Variants in RXFP2 observed in about 807,000 individuals in gnomAD.
RXFP2 encodes relaxin family peptide receptor 2.
Under a neutral mutation model 88.6 loss-of-function variants are expected in RXFP2, and 68 were observed. The ratio of observed to expected loss-of-function variants is 0.77; its 90% CI spans 0.63 to 0.94. The LOEUF is 0.94. Ranked by LOEUF, RXFP2 falls within the 40% of genes least tolerant of loss-of-function variation. The pLI is 0.00. For missense variants in RXFP2, 791 were observed against 893.9 expected (o/e 0.88, Z 1.47); for synonymous variants, 329 against 306.8 (o/e 1.07, Z -0.76).
At chr13:31,770,506 C>A (rs991063601) in intron 5 of RXFP2, among the ~76,000 whole-genome samples, 5 of 152,174 alleles carry the variant, frequency 3.3e-5, no homozygotes, top group African/African-American at 1.2e-4. Context: ...TTTCCATTTG[C>A]TTCAATCCTA....
chr13:31,771,562 A>T (rs1872735487), intron 5 of RXFP2, among the ~76,000 whole-genome samples: 1 of 152,156 alleles, frequency 6.6e-6, no homozygotes, highest in Non-Finnish European at 1.5e-5. Context: ...AGGCTGAGGC[A>T]GGTGGATCTG....
At chr13:31,794,888 T>TCA (rs1437581796) in intron 16 of RXFP2, among the ~76,000 whole-genome samples, 3 of 149,504 alleles carry the variant, frequency 2.0e-5, no homozygotes, top group Admixed American at 6.6e-5. Flanking sequence ...AAAGAGATCG[T>TCA]CACACACACA....
intron 12 of RXFP2, 36 bp downstream of exon 12, chr13:31,786,490 G>T: frequency 6.4e-7 from 1 of 1,553,716 alleles, no homozygotes; most frequent in Admixed American, 1.7e-5. Flanking sequence ...AGATTTAAAG[G>T]GCAATATTTT....
At chr13:31,758,943 G>A (rs530176914) in intron 2 of RXFP2, among the ~76,000 whole-genome samples, 9 of 152,140 alleles carry the variant, frequency 5.9e-5, no homozygotes, top group African/African-American at 1.7e-4. Flanking sequence ...AGCTACTCGG[G>A]AGGCTGAGGC....
intron 14 of RXFP2, among the ~76,000 whole-genome samples, chr13:31,790,792 C>T (rs1412246553): frequency 6.6e-6 from 1 of 151,906 alleles, no homozygotes; most frequent in African/African-American, 2.4e-5. Context: ...TTTGAGCAGA[C>T]CTGAGCGGAG....
At position 31,803,270 on chromosome 13, in the gene RXFP2, G is replaced by T. The variant is rs973181681; in HGVS notation, c.*865G>T. Reference sequence around the variant, plus strand: ...TGGGACTGTTTGCATACTCACAATGGTTTTGTTCTCATTGTTTTTAACAAA... The same window carrying T: ...TGGGACTGTTTGCATACTCACAATGTTTTTGTTCTCATTGTTTTTAACAAA... On this transcript the variant is annotated 3_prime_UTR_variant, in exon 18 of 18. Coordinates refer to ENST00000298386, the MANE Select transcript of RXFP2 (RefSeq NM_130806.5). 1.3e-5 allele frequency: 2 copies of T among 152,138 alleles called. No homozygotes were observed. Among genetic ancestry groups the T allele is most frequent in the African/African-American group, 4.8e-5 (2 of 41,430 alleles). The allele number at this position is 152,138 out of a possible 1,614,324, so 9.4% of individuals were successfully genotyped here. A position where few individuals can be genotyped will look rare whatever the true frequency, so the allele number is the denominator to read the frequency against.
intron 11 of RXFP2, among the ~76,000 whole-genome samples, chr13:31,785,954 T>C (rs983517916): frequency 1.7e-4 from 26 of 152,226 alleles, no homozygotes; most frequent in African/African-American, 6.0e-4. Flanking sequence ...CAATATTGTC[T>C]TGGTTGGAAT....
intron 16 of RXFP2, 116 bp downstream of exon 16, chr13:31,793,204 TC>T: frequency 2.1e-6 from 2 of 956,306 alleles, no homozygotes; most frequent in South Asian, 3.3e-5. Context: ...CAAGACTGTG[TC>T]CTTTTTCACA....
chr13:31,751,134 A>G (rs1871652994), intron 1 of RXFP2, among the ~76,000 whole-genome samples: 1 of 152,122 alleles, frequency 6.6e-6, no homozygotes, highest in African/African-American at 2.4e-5. Flanking sequence ...TACTAAAAAT[A>G]CAAAAAAATT....
chr13:31,773,232 A>T (rs1872797614), intron 5 of RXFP2, among the ~76,000 whole-genome samples: 1 of 152,208 alleles, frequency 6.6e-6, no homozygotes, highest in Non-Finnish European at 1.5e-5. Flanking sequence ...GGGGGTTAAG[A>T]TGGCACAAGG....
intron 17 of RXFP2, among the ~76,000 whole-genome samples, chr13:31,797,917 T>A (rs1334369884): frequency 6.6e-6 from 1 of 152,096 alleles, no homozygotes; most frequent in Admixed American, 6.6e-5. Flanking sequence ...AAGGCCAAAT[T>A]CCCTGAACAC....
At chr13:31,802,075 C>A in intron 17 of RXFP2, 71 bp from the exon 18 acceptor site, 1 of 1,479,162 alleles carries the variant, frequency 6.8e-7, no homozygotes, top group Non-Finnish European at 9.4e-7. Flanking sequence ...GCATTGACTG[C>A]AAAGTGTTAT....
intron 13 of RXFP2, among the ~76,000 whole-genome samples, chr13:31,787,789 G>C (rs183078514): frequency 3.7e-4 from 56 of 152,274 alleles, no homozygotes; most frequent in African/African-American, 1.3e-3. Flanking sequence ...ACAGGCGAAC[G>C]CCGCCATGCC....
chr13:31,776,114 C>CTTTCTTTTCT (rs1872951540), intron 7 of RXFP2, among the ~76,000 whole-genome samples: 4 of 135,976 alleles, frequency 2.9e-5, no homozygotes, highest in Admixed American at 7.3e-5. Context: ...TTCTTTCTTT[C>CTTTCTTTTCT]TTTCTTTCTT....
intron 16 of RXFP2, among the ~76,000 whole-genome samples, chr13:31,794,560 C>T (rs1022601640): frequency 6.6e-6 from 1 of 152,112 alleles, no homozygotes; most frequent in African/African-American, 2.4e-5. Flanking sequence ...CATGTCCTCA[C>T]ATCACACACA....
rs1872534214 is a variant in RXFP2 at position 31,766,017 on chromosome 13, C to G, written c.487C>G (p.Leu163Val). The G allele has an allele frequency of 6.6e-7, 1 of 1,524,204 alleles. No individual in the cohort carries two copies. The highest frequency in any genetic ancestry group is 1.1e-5 in the South Asian group (1 of 88,712). The allele number at this position is 1,524,204 out of a possible 1,614,324, so 94.4% of individuals were successfully genotyped here. ...TAAAGTTTTCATCAAATACACAAAA[C>G]TTAAAAAGATGTAAGTAGCCGTTAA... Reference protein sequence around the residue: ...PDKVFIKYTKLKKIFLQHNCI... With the variant: ...PDKVFIKYTKVKKIFLQHNCI... The change falls in exon 5 of 18, where the codon CTT becomes GTT. Residue 163 changes from leucine to valine, a missense_variant. Coordinates refer to ENST00000298386, the MANE Select transcript of RXFP2 (RefSeq NM_130806.5).
Position 31,777,392 on chromosome 13 carries a change from C to T in RXFP2, c.658C>T (p.Pro220Ser). ...QLTWLILDDN[P>S]ITRISQRLFT... ...TTTTGTCAGAATTCTAGATGACAAT[C>T]CAATAACCAGAATTTCACAGCGCTT... The change falls in exon 8 of 18, where the codon CCA becomes TCA. Residue 220 changes from proline (P) to serine (S), a missense_variant. Physicochemically the swap from Pro to Ser is moderately conservative, Grantham distance 74 (BLOSUM62 -1). Transcript: ENST00000298386. 6.2e-7 allele frequency: 1 copy of T among 1,610,676 alleles called. No individual in the cohort carries two copies.
intron 3 of RXFP2, among the ~76,000 whole-genome samples, chr13:31,763,342 C>T (rs892890516): frequency 1.3e-5 from 2 of 152,104 alleles, no homozygotes; most frequent in African/African-American, 4.8e-5. Context: ...ATCTCAGCCC[C>T]CCAAAGTGTT....
chr13:31,778,655 G>T (rs1408530056), intron 9 of RXFP2, 72 bp downstream of exon 9: 15 of 1,052,564 alleles, frequency 1.4e-5, no homozygotes, highest in Admixed American at 1.0e-4. Context: ...TTAATTCAAG[G>T]TTACCTAGAA....
Sources: allele counts gnomAD v4.1 joint callset (sites outside exome capture counted in the v4.1 genomes callset), GRCh38; gene constraint gnomAD v4.1.1; transcripts MANE v1.5; gene names NCBI Gene and HGNC (gene_info 2026-07-23, HGNC 2026-07-21).